Variants in ASH1L observed in about 807,000 individuals in gnomAD.
ASH1L encodes ASH1 like histone lysine methyltransferase, also known as histone-lysine N-methyltransferase ASH1L.
Under a neutral mutation model 269.0 loss-of-function variants are expected in ASH1L, and 23 were observed. That is an observed-to-expected ratio of 0.09 (90% CI 0.06 to 0.12). The LOEUF is 0.12. Among genes scored for constraint, ASH1L ranks in the 10% least tolerant of loss-of-function variants. The pLI, the probability that ASH1L is intolerant of heterozygous loss-of-function variation, is 1.00. For missense variants in ASH1L, 2,912 were observed against 3,567.8 expected (o/e 0.82, Z 4.68); for synonymous variants, 1,187 against 1,253.5 (o/e 0.95, Z 1.12).
rs1668870013 is a variant in ASH1L, at chr1:155,521,307, T to C, written c.213A>G (p.Gln71=). The change falls in exon 2 of 28, where the codon CAA becomes CAG. Residue 71 remains glutamine (Q), a synonymous_variant. Transcript: ENST00000392403. ...AGTTTGTTTCTTTCACTGAAAACTG[T>C]TGCTGTGCATCAGTCAAACCATCAT... ...GKDDGLTDAQ[Q]QFSVKETNFS... is the part of the protein sequence containing the mutation. The C allele has an allele frequency of 3.1e-6, 5 of 1,614,046 alleles. No homozygotes were observed. Among genetic ancestry groups the C allele is most frequent in the Non-Finnish European group, 4.2e-6 (5 of 1,179,892 alleles).
chr1:155,459,721 C>T, intron 4 of ASH1L, 76 bp downstream of exon 4: 1 of 1,186,364 alleles, frequency 8.4e-7, no homozygotes, highest in Non-Finnish European at 1.2e-6. Context: ...ATTTTTTCTA[C>T]AATATTGTAA....
chr1:155,394,153 G>C (rs974877089), intron 7 of ASH1L, among the ~76,000 whole-genome samples: 1 of 152,022 alleles, frequency 6.6e-6, no homozygotes, highest in Non-Finnish European at 1.5e-5. Context: ...ACCAACCATG[G>C]GAAGACTGAA....
intron 25 of ASH1L, among the ~76,000 whole-genome samples, chr1:155,340,072 T>C (rs1652645780): frequency 6.6e-6 from 1 of 151,684 alleles, no homozygotes; most frequent in South Asian, 2.1e-4. Context: ...CAAATAAGTC[T>C]AGATGCGAGG....
intron 2 of ASH1L, among the ~76,000 whole-genome samples, chr1:155,516,173 G>A (rs1167743195): frequency 6.6e-6 from 1 of 152,006 alleles, no homozygotes; most frequent in Non-Finnish European, 1.5e-5. Flanking sequence ...AACACTGTAT[G>A]TAACCTATTC....
Position 155,562,436 on chromosome 1 carries a change from C to G in ASH1L, c.-383G>C. ...AAAATGGCGGCGGGAGCGGCGGCGG[C>G]GGCGGCGGCAGCAGCAGAGTGGCGG... On this transcript the variant is annotated 5_prime_UTR_variant, in exon 1 of 28. Transcript: ENST00000392403. 2 of 1,471,300 alleles carry G rather than the reference C, an allele frequency of 1.4e-6. No homozygotes were observed. Among genetic ancestry groups the G allele is most frequent in the South Asian group, 2.4e-5 (2 of 82,700 alleles). 91.1% of individuals were successfully genotyped at this position (1,471,300 alleles called of 1,614,324 possible).
intron 5 of ASH1L, among the ~76,000 whole-genome samples, chr1:155,426,919 T>G (rs1462291839): frequency 6.6e-6 from 1 of 152,158 alleles, no homozygotes; most frequent in Admixed American, 6.6e-5. Flanking sequence ...AATTTCCTTC[T>G]GATCCCCAGG....
chr1:155,342,402 C>T (rs925918983), intron 24 of ASH1L, among the ~76,000 whole-genome samples: 10 of 152,002 alleles, frequency 6.6e-5, no homozygotes, highest in African/African-American at 9.7e-5. Flanking sequence ...GAGCAGGTTA[C>T]GAGGAGTTAC....
At chr1:155,509,541 T>C (rs1668030098) in intron 2 of ASH1L, among the ~76,000 whole-genome samples, 1 of 152,194 alleles carries the variant, frequency 6.6e-6, no homozygotes, top group Non-Finnish European at 1.5e-5. Context: ...CTCACGCCTA[T>C]AATCCCCAGC....
intron 1 of ASH1L, among the ~76,000 whole-genome samples, chr1:155,542,130 G>A (rs990172821): frequency 2.7e-5 from 4 of 148,688 alleles, no homozygotes; most frequent in Non-Finnish European, 4.6e-5. Flanking sequence ...GGGGGAGGGG[G>A]ATAGGAATGT....
intron 1 of ASH1L, among the ~76,000 whole-genome samples, chr1:155,555,392 G>A (rs1278562503): frequency 6.6e-6 from 1 of 151,026 alleles, no homozygotes; most frequent in East Asian, 1.9e-4. Context: ...AGCTACTCAG[G>A]AGGCTGAGGC....
At chr1:155,448,067 C>CT (rs1222835018) in intron 4 of ASH1L, among the ~76,000 whole-genome samples, 4 of 152,142 alleles carry the variant, frequency 2.6e-5, no homozygotes, top group Admixed American at 2.0e-4. Flanking sequence ...TCAAGTTTTT[C>CT]TTTTGCATAT....
intron 2 of ASH1L, among the ~76,000 whole-genome samples, chr1:155,497,375 T>A (rs1422488027): frequency 6.6e-6 from 1 of 152,164 alleles, no homozygotes; most frequent in Non-Finnish European, 1.5e-5. Context: ...ATATGGAGAT[T>A]TTCTTCCACC....
intron 10 of ASH1L, among the ~76,000 whole-genome samples, chr1:155,375,236 C>T (rs1287213452): frequency 6.6e-6 from 1 of 152,156 alleles, no homozygotes; most frequent in Non-Finnish European, 1.5e-5. Context: ...TAAAAGATTT[C>T]TTCCAGGGAA....
At chr1:155,457,364 C>A (rs994731575) in intron 4 of ASH1L, among the ~76,000 whole-genome samples, 2 of 152,182 alleles carry the variant, frequency 1.3e-5, no homozygotes, top group Admixed American at 6.5e-5. Flanking sequence ...TTTCCAACCA[C>A]CATCACCACC....
chr1:155,386,386 TTTA>T (rs1476174476), intron 7 of ASH1L, among the ~76,000 whole-genome samples: 1 of 150,446 alleles, frequency 6.6e-6, no homozygotes, highest in African/African-American at 2.5e-5. Context: ...TTAAAAAAAT[TTTA>T]TTATTATTGT....
chr1:155,431,812 A>G (rs559099924), intron 5 of ASH1L, among the ~76,000 whole-genome samples: 239 of 152,176 alleles, frequency 1.6e-3, no homozygotes, highest in Middle Eastern at 3.4e-3. Flanking sequence ...AGCTACAACC[A>G]GCCACACTGC....
intron 2 of ASH1L, among the ~76,000 whole-genome samples, chr1:155,487,486 G>A (rs1666408246): frequency 2.0e-5 from 3 of 152,010 alleles, no homozygotes; most frequent in Non-Finnish European, 4.4e-5. Context: ...TCCCACCTCA[G>A]CCTCCCAAGT....
At chr1:155,376,519 T>C (rs998473465) in intron 10 of ASH1L, among the ~76,000 whole-genome samples, 4 of 152,068 alleles carry the variant, frequency 2.6e-5, no homozygotes, top group African/African-American at 9.7e-5. Context: ...CGTTTAAAAT[T>C]ATATACTCTC....
At chr1:155,530,742 G>GAAAAAAAAAAATCAA (rs1669619012) in intron 1 of ASH1L, among the ~76,000 whole-genome samples, 1 of 121,996 alleles carries the variant, frequency 8.2e-6, no homozygotes, top group African/African-American at 3.1e-5. Flanking sequence ...TCTCGGGAAG[G>GAAAAAAAAAAATCAA]AAAAAAAAAA....
Sources: allele counts gnomAD v4.1 joint callset (sites outside exome capture counted in the v4.1 genomes callset), GRCh38; gene constraint gnomAD v4.1.1; transcripts MANE v1.5; gene names NCBI Gene and HGNC (gene_info 2026-07-23, HGNC 2026-07-21).